LMOD2: variants seen among roughly 807,000 people sequenced by gnomAD.
LMOD2 encodes leiomodin 2, also known as leiomodin-2.
LMOD2 carries 27 observed loss-of-function variants against 41.7 expected under a neutral mutation model. The ratio of observed to expected loss-of-function variants is 0.65; its 90% confidence interval spans 0.48 to 0.89. The LOEUF (loss-of-function observed/expected upper bound fraction) is 0.89, where lower values mean the gene tolerates loss of function less well. Among genes scored for constraint, LMOD2 ranks in the 40% least tolerant of loss-of-function variants. The pLI is 0.00. For synonymous variants in LMOD2, 251 were observed against 244.6 expected, an observed-to-expected ratio of 1.03 and a Z score of -0.25; for missense variants, 624 against 667.9, an observed-to-expected ratio of 0.93 and a Z score of 0.72.
chr7:123,663,154 A>C lies in LMOD2; in HGVS notation c.1568A>C (p.Glu523Ala). 6.4e-7 allele frequency: 1 copy of C among 1,571,122 alleles called. No homozygotes were observed. The highest frequency in any genetic ancestry group is 8.6e-7 in the Non-Finnish European group (1 of 1,157,822). The change falls in exon 2 of 3, where the codon GAG (glutamate) becomes GCG (alanine). Residue 523 changes from glutamate (E) to alanine (A), a missense_variant. Coordinates refer to ENST00000458573, the MANE Select transcript of LMOD2 (RefSeq NM_207163.3). Reference sequence around the variant, plus strand: ...TCTACCCCACAGAGATCAGCTCATGAGAATCTCATGGAAGCAATTCGGGGA... The same window carrying C: ...TCTACCCCACAGAGATCAGCTCATGCGAATCTCATGGAAGCAATTCGGGGA... ...RPSTPQRSAH[E>A]NLMEAIRGSS...
Position 123,663,821 on chromosome 7 carries a change from T to C in LMOD2, c.*76T>C. The C allele has an allele frequency of 8.3e-7, 1 of 1,209,866 alleles. No individual in the cohort carries two copies. The highest frequency in any genetic ancestry group is 1.4e-5 in the South Asian group (1 of 70,664). The allele number at this position is 1,209,866 out of a possible 1,614,324, so 74.9% of individuals were successfully genotyped here. ...AATGCATTGTGAGATGTTTCTAAAA[T>C]ACCTTCTTCAATTCAAAATGATCCC... On this transcript the variant is annotated 3_prime_UTR_variant, in exon 3 of 3. Transcript: ENST00000458573.
At chr7:123,658,913 G>A (rs546889930) in intron 1 of LMOD2, among the ~76,000 whole-genome samples, 1 of 152,270 alleles carries the variant, frequency 6.6e-6, no homozygotes, top group Admixed American at 6.5e-5. Context: ...ATGACACACA[G>A]TAAAACTTAA....
Position 123,663,174 on chromosome 7 carries a change from CG to C in LMOD2, c.1592del (p.Gly531GlufsTer4). 6.4e-7 allele frequency: 1 copy of C among 1,569,764 alleles called. No homozygotes were observed. Among genetic ancestry groups the C allele is most frequent in the Non-Finnish European group, 8.6e-7 (1 of 1,157,258 alleles). On this transcript the variant is annotated frameshift_variant, in exon 2 of 3. Transcript: ENST00000458573. LOFTEE classifies it high-confidence loss of function. ...TCATGAGAATCTCATGGAAGCAATT[CG>C]GGGAAGCAGCATAAAACAGCTAAAG... ...SAHENLMEAI[R>X]GSSIKQLKRV...
At position 123,661,940 on chromosome 7, in the gene LMOD2, AGAGGAG is replaced by A. The variant is rs759412133; in HGVS notation, c.367_372del (p.Glu123_Glu124del). Reference sequence around the variant, plus strand: ...GTGAGGTTTCTGAGGAAGTGTATACAGAGGAGGAGGAGGAGGAGTCCCAGGAGGAAG... The same window carrying A: ...GTGAGGTTTCTGAGGAAGTGTATACAGAGGAGGAGGAGTCCCAGGAGGAAG... On this transcript the variant is annotated inframe_deletion, in exon 2 of 3. Transcript: ENST00000458573. The A allele has an allele frequency of 1.6e-5, 25 of 1,553,764 alleles. No individual in the cohort carries two copies. Among genetic ancestry groups the A allele is most frequent in the Non-Finnish European group, 2.2e-5 (25 of 1,147,788 alleles).
Position 123,660,323 on chromosome 7 carries a change from T to A in LMOD2, c.274-1537T>A, listed in dbSNP as rs13309202. 5.9e-3 allele frequency among the ~76,000 whole-genome samples: 872 copies of A among 147,220 alleles called. 4 individuals are homozygous for A. The highest frequency in any genetic ancestry group is 0.017 in the Middle Eastern group (5 of 290). ...CTCTCTCTCCCTCTCTCTCTCTCTC[T>A]CACACACACACACACACACAGAGAC... On this transcript the variant is annotated intron_variant, in intron 1 of 2. Coordinates refer to ENST00000458573, the MANE Select transcript of LMOD2 (RefSeq NM_207163.3).
chr7:123,663,635 G>A, intron 2 of LMOD2, 84 bp from the exon 3 acceptor site: 1 of 1,142,882 alleles, frequency 8.7e-7, no homozygotes. Flanking sequence ...CTTCTCAGAG[G>A]ATACTGCTAG....
At chr7:123,657,991 T>TA (rs10693592) in intron 1 of LMOD2, among the ~76,000 whole-genome samples, 1,527 of 90,538 alleles carry the variant, frequency 0.017, 55 homozygotes, top group African/African-American at 0.059. Context: ...CTTGTCTCAT[T>TA]AAAAAAAAAA....
rs532836392 is a variant in LMOD2 at position 123,664,133 on chromosome 7, A to C, written c.*388A>C. 3 of 177,622 alleles carry C rather than the reference A, an allele frequency of 1.7e-5. No individual in the cohort carries two copies. Among genetic ancestry groups the C allele is most frequent in the African/African-American group, 7.1e-5 (3 of 42,388 alleles). The allele number at this position is 177,622 out of a possible 1,614,324, so 11.0% of individuals were successfully genotyped here. A position where few individuals can be genotyped will look rare whatever the true frequency, so the allele number is the denominator to read the frequency against. On this transcript the variant is annotated 3_prime_UTR_variant, in exon 3 of 3. Coordinates refer to ENST00000458573, the MANE Select transcript of LMOD2 (RefSeq NM_207163.3). ...CTAATATTTTTCTGTGACTTGATAC[A>C]TCTGTCAGATTTTTGTAATCTCGAT... is the stretch of plus-strand genomic sequence containing the variant.
In LMOD2 at chr7:123,662,120, C is replaced by A; in HGVS notation, c.534C>A (p.Gly178=). 6.2e-7 allele frequency: 1 copy of A among 1,612,892 alleles called. No homozygotes were observed. Among genetic ancestry groups the A allele is most frequent in the Non-Finnish European group, 8.5e-7 (1 of 1,179,374 alleles). ...TAGAGAACATAAATTTGACCAATGG[C>A]AGCAATGGGAGGAACACAGAGTCCC... ...SQIENINLTN[G]SNGRNTESPA... The change falls in exon 2 of 3, where the codon GGC becomes GGA. Residue 178 remains glycine (G), a synonymous_variant. Coordinates refer to ENST00000458573, the MANE Select transcript of LMOD2 (RefSeq NM_207163.3). This position sits in a 1 kb window ranked among gnomAD's most constrained non-coding sequence, Gnocchi z 4.0.
chr7:123,656,251 CT>C lies in LMOD2; in HGVS notation c.273+19del. Reference sequence around the variant, plus strand: ...AATGTGGAAAGGTAGGCTCTCGGGACTTTTCCTTGGCTAACCCCACCTCCCC... The same window carrying C: ...AATGTGGAAAGGTAGGCTCTCGGGACTTTCCTTGGCTAACCCCACCTCCCC... On this transcript the variant is annotated intron_variant, in intron 1 of 2. Transcript: ENST00000458573. 1 of 1,593,366 alleles carries C rather than the reference CT, an allele frequency of 6.3e-7. No homozygotes were observed. Among genetic ancestry groups the C allele is most frequent in the Non-Finnish European group, 8.6e-7 (1 of 1,169,454 alleles).
chr7:123,656,627 A>C (rs558334081), intron 1 of LMOD2, among the ~76,000 whole-genome samples: 1 of 152,300 alleles, frequency 6.6e-6, no homozygotes, highest in African/African-American at 2.4e-5. Context: ...TCAGTTAAGT[A>C]CATTTATTTT....
At position 123,662,988 on chromosome 7, in the gene LMOD2, A is replaced by C; in HGVS notation, c.1402A>C (p.Ser468Arg). 6.4e-7 allele frequency: 1 copy of C among 1,553,244 alleles called. No individual in the cohort carries two copies. Among genetic ancestry groups the C allele is most frequent in the African/African-American group, 1.4e-5 (1 of 73,196 alleles). The change falls in exon 2 of 3, where the codon AGT becomes CGT. Residue 468 changes from serine (S) to arginine (R), a missense_variant. Physicochemically the swap from Ser to Arg is moderately radical, Grantham distance 110. Coordinates refer to ENST00000458573, the MANE Select transcript of LMOD2 (RefSeq NM_207163.3). The surrounding 1 kb of genome is among the most constrained non-coding windows in gnomAD (Gnocchi z 4.0). Reference sequence around the variant, plus strand: ...TGCAGAAGTCATCAAACAACAGGAGAGTGCCCAACGGGCATTACAAAATGG... The same window carrying C: ...TGCAGAAGTCATCAAACAACAGGAGCGTGCCCAACGGGCATTACAAAATGG... The part of the protein sequence containing the change: ...NIAEVIKQQE[S>R]AQRALQNGQK...
chr7:123,655,912 C>T lies in LMOD2; in HGVS notation c.-52C>T. 1 of 1,535,246 alleles carries T rather than the reference C, an allele frequency of 6.5e-7. No homozygotes were observed. Among genetic ancestry groups the T allele is most frequent in the Admixed American group, 1.9e-5 (1 of 52,336 alleles). On this transcript the variant is annotated 5_prime_UTR_variant, in exon 1 of 3. Coordinates refer to ENST00000458573, the MANE Select transcript of LMOD2 (RefSeq NM_207163.3). ...TTGCCTCCCTGCCTGCTTCTGGCCG[C>T]CTTGAATGCCTGGTCCTTCAAGCTC...
Position 123,662,196 on chromosome 7 carries a change from G to A in LMOD2, c.610G>A (p.Asp204Asn), listed in dbSNP as rs746523416. ...GNPTVIEDAL[D>N]KIKSNDPDTT... ...TCCTACAGTGATTGAGGACGCTTTGGACAAGATTAAAAGCAATGACCCTGA... is the reference window on the plus strand; with the variant it reads ...TCCTACAGTGATTGAGGACGCTTTGAACAAGATTAAAAGCAATGACCCTGA... The change falls in exon 2 of 3, where the codon GAC becomes AAC. Residue 204 changes from aspartate (D) to asparagine (N), a missense_variant. Physicochemically the swap from Asp to Asn is conservative, Grantham distance 23. Transcript: ENST00000458573. This position sits in a 1 kb window ranked among gnomAD's most constrained non-coding sequence, Gnocchi z 4.0. 13 of 1,613,942 alleles carry A rather than the reference G, an allele frequency of 8.1e-6. No individual in the cohort carries two copies. Among genetic ancestry groups the A allele is most frequent in the Non-Finnish European group, 1.1e-5 (13 of 1,179,886 alleles).
At chr7:123,663,412 C>T in intron 2 of LMOD2, 1 of 663,658 alleles carries the variant, frequency 1.5e-6, no homozygotes, top group Non-Finnish European at 2.5e-6. Context: ...GGCCGCTTTC[C>T]CAGCCTCTCA....
chr7:123,656,247 G>C lies in LMOD2; in HGVS notation c.273+11G>C. The C allele has an allele frequency of 1.3e-6, 2 of 1,595,230 alleles. No individual in the cohort carries two copies. The highest frequency in any genetic ancestry group is 1.7e-6 in the Non-Finnish European group (2 of 1,170,758). ...GGGGAATGTGGAAAGGTAGGCTCTC[G>C]GGACTTTTCCTTGGCTAACCCCACC... On this transcript the variant is annotated intron_variant, in intron 1 of 2. Coordinates refer to ENST00000458573, the MANE Select transcript of LMOD2 (RefSeq NM_207163.3).
rs1475063418 is a variant in LMOD2, at chr7:123,662,428, C to A, written c.842C>A (p.Thr281Lys). The A allele has an allele frequency of 6.2e-7, 1 of 1,613,892 alleles. No individual in the cohort carries two copies. Among genetic ancestry groups the A allele is most frequent in the Non-Finnish European group, 8.5e-7 (1 of 1,179,878 alleles). The change falls in exon 2 of 3, where the codon ACG (threonine) becomes AAG (lysine). Residue 281 changes from threonine to lysine, a missense_variant. By Grantham distance (78) the Thr-to-Lys change is moderately conservative. Transcript: ENST00000458573. This position sits in a 1 kb window ranked among gnomAD's most constrained non-coding sequence, Gnocchi z 4.0. ...GTAAACGTCGAGTCCAACTTCATAA[C>A]GGGAAAGGGGATCCTGGCCATCATG... ...TNVNVESNFITGKGILAIMRA... is the reference protein window; with the variant it reads ...TNVNVESNFIKGKGILAIMRA...
chr7:123,663,062 T>C lies in LMOD2; in HGVS notation c.1476T>C (p.Ile492=). 6.4e-7 allele frequency: 1 copy of C among 1,557,406 alleles called. No individual in the cohort carries two copies. The highest frequency in any genetic ancestry group is 1.4e-5 in the African/African-American group (1 of 73,298). The change falls in exon 2 of 3, where the codon ATT becomes ATC. Residue 492 remains isoleucine (I), a synonymous_variant. Coordinates refer to ENST00000458573, the MANE Select transcript of LMOD2 (RefSeq NM_207163.3). ...GKKVKKQPNS[I]LKEIKNSLRS... ...AGGTCAAGAAACAGCCAAACAGTAT[T>C]CTAAAGGAAATAAAAAATTCTCTGA...
intron 1 of LMOD2, among the ~76,000 whole-genome samples, chr7:123,660,018 T>A (rs986887319): frequency 6.6e-5 from 10 of 152,120 alleles, no homozygotes; most frequent in Non-Finnish European, 1.2e-4. Context: ...CTCCAAATAC[T>A]GAAACAGCTA....
Sources: gnomAD v4.1 joint callset for allele counts (sites outside exome capture counted in the v4.1 genomes callset) on GRCh38, gnomAD v4.1.1 for gene constraint, Gnocchi (gnomAD v3.1) non-coding constraint, MANE v1.5 for transcripts, NCBI Gene and HGNC (gene_info 2026-07-23, HGNC 2026-07-21) for gene names.